The following MCC variants were observed in gnomAD, a reference collection of about 807,000 sequenced individuals.
MCC encodes colorectal mutant cancer protein.
Under a neutral mutation model 116.2 loss-of-function variants are expected in MCC, and 90 were observed. The ratio of observed to expected loss-of-function variants is 0.77; its 90% confidence interval spans 0.65 to 0.92. The LOEUF is 0.92. Among genes scored for constraint, MCC ranks in the 40% least tolerant of loss-of-function variants. The pLI is 0.00. For missense variants in MCC, 1,516 were observed against 1,312.2 expected (o/e 1.16, Z -2.40); for synonymous variants, 578 against 510.5 (o/e 1.13, Z -1.78).
intron 3 of MCC, among the ~76,000 whole-genome samples, chr5:113,313,677 T>C (rs1436260649): frequency 1.3e-5 from 2 of 152,240 alleles, no homozygotes; most frequent in East Asian, 3.8e-4. Context: ...ATGCATCATC[T>C]GGTGGAAGAC....
In MCC at chr5:113,084,105, A is replaced by G. The variant is rs768187708; in HGVS notation, c.1631T>C (p.Ile544Thr). The G allele has an allele frequency of 3.7e-6, 6 of 1,613,774 alleles. No individual in the cohort carries two copies. Among genetic ancestry groups the G allele is most frequent in the Admixed American group, 3.3e-5 (2 of 60,012 alleles). Residue 544 changes from isoleucine (I) to threonine (T), a missense_variant, in exon 10 of 19, where the codon ATA (isoleucine) becomes ACA (threonine). Physicochemically the swap from Ile to Thr is moderately conservative, Grantham distance 89. Transcript: ENST00000408903. Reference sequence around the variant, plus strand: ...TTGCTTCTCATGAACACTCACCCCTATGCTACTGATTTCTGAGCCCAGGAC... The same window carrying G: ...TTGCTTCTCATGAACACTCACCCCTGTGCTACTGATTTCTGAGCCCAGGAC... ...RPVLGSEISS[I>T]GVSSSVAEHL...
intron 15 of MCC, 33 bp from the exon 16 acceptor site, chr5:113,049,332 A>G: frequency 6.6e-7 from 1 of 1,516,086 alleles, no homozygotes; most frequent in Admixed American, 2.1e-5. Context: ...CACATGAGGC[A>G]TGCCCTATCT....
intron 3 of MCC, among the ~76,000 whole-genome samples, chr5:113,219,239 A>T (rs976413787): frequency 6.6e-6 from 1 of 152,170 alleles, no homozygotes; most frequent in South Asian, 2.1e-4. Context: ...TCTGTTACCA[A>T]ATAAGTTTGG....
At chr5:113,339,438 T>TGCGCGC (rs1554077387) in intron 3 of MCC, among the ~76,000 whole-genome samples, 49 of 149,670 alleles carry the variant, frequency 3.3e-4, no homozygotes, top group East Asian at 1.2e-3. Context: ...TGTGTGTGTG[T>TGCGCGC]GCGTGCATGT....
chr5:113,203,685 G>GA lies in MCC; in HGVS notation c.628-52264dup, dbSNP rs113705071. On this transcript the variant is annotated intron_variant, in intron 3 of 18. Transcript: ENST00000408903. ...CAGGCGCCGTGCAAGCCACCAGAATGAAAAAAAACAACGCTGGATCTTACA... is the reference window on the plus strand; with the variant it reads ...CAGGCGCCGTGCAAGCCACCAGAATGAAAAAAAAACAACGCTGGATCTTACA... Among the ~76,000 whole-genome samples the GA allele has an allele frequency of 3.3e-4, 50 of 151,624 alleles. 1 individual carries two copies. In the Middle Eastern group the frequency reaches 0.014, roughly 41 times the overall value.
intron 9 of MCC, among the ~76,000 whole-genome samples, chr5:113,084,907 T>C (rs995209970): frequency 1.4e-4 from 22 of 152,236 alleles, no homozygotes; most frequent in Admixed American, 9.8e-4. Context: ...CTCTCCATAA[T>C]GACTTGTCAG....
intron 3 of MCC, among the ~76,000 whole-genome samples, chr5:113,179,583 CTG>C (rs1174108749): frequency 1.3e-5 from 2 of 152,168 alleles, no homozygotes; most frequent in African/African-American, 4.8e-5. Context: ...CTAAGACACA[CTG>C]AATCAATTTC....
intron 1 of MCC, among the ~76,000 whole-genome samples, chr5:113,444,092 G>T (rs144255453): frequency 6.6e-6 from 1 of 151,756 alleles, no homozygotes; most frequent in African/African-American, 2.4e-5. Context: ...TGATCTATCC[G>T]CTTTGGCCTC....
chr5:113,476,458 A>G (rs972343039), intron 1 of MCC, among the ~76,000 whole-genome samples: 13 of 152,356 alleles, frequency 8.5e-5, no homozygotes, highest in East Asian at 7.7e-4. Flanking sequence ...AGTGCTTTCA[A>G]CAAATGGCTG....
intron 1 of MCC, among the ~76,000 whole-genome samples, chr5:113,426,976 GA>G (rs1770501989): frequency 6.6e-6 from 1 of 152,052 alleles, no homozygotes; most frequent in African/African-American, 2.4e-5. Context: ...AGCCTTTGAG[GA>G]CTCTGGAGAA....
At chr5:113,163,765 C>T (rs1463575843) in intron 3 of MCC, among the ~76,000 whole-genome samples, 2 of 152,130 alleles carry the variant, frequency 1.3e-5, no homozygotes, top group Non-Finnish European at 2.9e-5. Context: ...GATGATATCA[C>T]CTGCAAATAT....
Position 113,143,259 on chromosome 5 carries a change from C to A in MCC, c.843G>T (p.Glu281Asp). 6.2e-7 allele frequency: 1 copy of A among 1,612,346 alleles called. No homozygotes were observed. Among genetic ancestry groups the A allele is most frequent in the East Asian group, 2.2e-5 (1 of 44,768 alleles). Residue 281 changes from glutamate (E) to aspartate (D), a missense_variant, in exon 5 of 19, where the codon GAG (glutamate) becomes GAT (aspartate). Physicochemically the swap from Glu to Asp is conservative, Grantham distance 45. Coordinates refer to ENST00000408903, the MANE Select transcript of MCC (RefSeq NM_001085377.2). ...RITELHSVIA[E>D]LNKKIDRLQG... ...GCAGACGGTCTATCTTCTTGTTGAGCTCCGCAATGACGCTGTGGAGCTCTG... is the reference window on the plus strand; with the variant it reads ...GCAGACGGTCTATCTTCTTGTTGAGATCCGCAATGACGCTGTGGAGCTCTG...
rs139918639 is a variant in MCC at position 113,474,352 on chromosome 5, A to G, written c.170+13893T>C. 1.2e-3 allele frequency among the ~76,000 whole-genome samples: 190 copies of G among 152,302 alleles called. 1 individual carries two copies. Among genetic ancestry groups the G allele is most frequent in the African/African-American group, 4.3e-3 (178 of 41,574 alleles). ...CTATATGGAAACAGCCTAGAAAAAA[A>G]TGAGAGGGTGCTCACCAGACAGGTA... On this transcript the variant is annotated intron_variant, in intron 1 of 18. Coordinates refer to ENST00000408903, the MANE Select transcript of MCC (RefSeq NM_001085377.2).
intron 3 of MCC, among the ~76,000 whole-genome samples, chr5:113,157,865 T>C (rs934527271): frequency 1.3e-5 from 2 of 152,220 alleles, no homozygotes; most frequent in Non-Finnish European, 2.9e-5. Flanking sequence ...AAATAATTAA[T>C]AGAACAGACC....
At chr5:113,449,622 T>A (rs1048735620) in intron 1 of MCC, among the ~76,000 whole-genome samples, 3 of 152,170 alleles carry the variant, frequency 2.0e-5, no homozygotes, top group African/African-American at 7.2e-5. Flanking sequence ...ACTTCTTTTT[T>A]GAGGGAAGTA....
Position 113,327,272 on chromosome 5 carries a change from C to T in MCC, c.627+13247G>A, listed in dbSNP as rs753555394. Among the ~76,000 whole-genome samples, 9 of 151,732 alleles carry T rather than the reference C, an allele frequency of 5.9e-5. No homozygotes were observed. In the South Asian group the frequency reaches 6.2e-4, roughly 11 times the overall value. ...ACATTTAACATAAATCTCAGCTGGG[C>T]GCAGTGGCTCACGTCTGTAATCCCA... On this transcript the variant is annotated intron_variant, in intron 3 of 18. Coordinates refer to ENST00000408903, the MANE Select transcript of MCC (RefSeq NM_001085377.2).
chr5:113,469,007 T>G (rs1358077859), intron 1 of MCC, among the ~76,000 whole-genome samples: 1 of 152,260 alleles, frequency 6.6e-6, no homozygotes, highest in Non-Finnish European at 1.5e-5. Flanking sequence ...TAGTTTGTAC[T>G]TCTGTGGGAT....
At chr5:113,416,424 C>T (rs1034546123) in intron 1 of MCC, among the ~76,000 whole-genome samples, 1 of 151,422 alleles carries the variant, frequency 6.6e-6, no homozygotes. Flanking sequence ...GAGATCCCAT[C>T]TCTTAAAAAA....
chr5:113,476,851 T>C (rs1051879220), intron 1 of MCC, among the ~76,000 whole-genome samples: 5 of 152,178 alleles, frequency 3.3e-5, no homozygotes, highest in African/African-American at 1.2e-4. Flanking sequence ...TCTGAATATA[T>C]AAGACCATTG....
Sources: allele counts gnomAD v4.1 joint callset (sites outside exome capture counted in the v4.1 genomes callset), GRCh38; gene constraint gnomAD v4.1.1; transcripts MANE v1.5; gene names NCBI Gene and HGNC (gene_info 2026-07-23, HGNC 2026-07-21).